Variants in TENM3 observed in about 807,000 individuals in gnomAD.
TENM3 encodes teneurin transmembrane protein 3.
Under a neutral mutation model 255.1 loss-of-function variants are expected in TENM3, and 63 were observed. That is an observed-to-expected ratio of 0.25 (90% CI 0.20 to 0.30). TENM3 has a LOEUF of 0.30. Ranked by LOEUF, TENM3 falls within the 10% of genes least tolerant of loss-of-function variation. TENM3 has a pLI of 1.00. For missense variants in TENM3, 2,929 were observed against 3,461.1 expected (o/e 0.85, Z 3.86); for synonymous variants, 1,306 against 1,322.3 (o/e 0.99, Z 0.27).
the TENM3 span, among the ~76,000 whole-genome samples, chr4:182,035,724 T>A: frequency 6.6e-6 from 1 of 152,194 alleles, no homozygotes; most frequent in Non-Finnish European, 1.5e-5. Context: ...TTTCCGTCCT[T>A]TTTCAATCAC....
intron 1 of TENM3, among the ~76,000 whole-genome samples, chr4:182,230,171 G>C (rs1366383527): frequency 6.7e-6 from 1 of 148,746 alleles, no homozygotes; most frequent in Non-Finnish European, 1.5e-5. Flanking sequence ...CTGAGGTGAA[G>C]AACACAGTGT....
chr4:181,972,697 G>T, the TENM3 span, among the ~76,000 whole-genome samples: 6 of 152,226 alleles, frequency 3.9e-5, no homozygotes, highest in East Asian at 1.2e-3. Context: ...TGATTGCAGG[G>T]AACTCCTCAG....
At chr4:181,598,580 C>T in the TENM3 span, among the ~76,000 whole-genome samples, 1 of 151,270 alleles carries the variant, frequency 6.6e-6, no homozygotes, top group East Asian at 1.9e-4. Flanking sequence ...CAAAGGTAAA[C>T]ATCTGAAACT....
the TENM3 span, among the ~76,000 whole-genome samples, chr4:181,657,093 T>C: frequency 6.6e-5 from 10 of 152,222 alleles, no homozygotes; most frequent in Non-Finnish European, 1.5e-4. Flanking sequence ...GAAATTACAC[T>C]GTTGGGCTTG....
At chr4:181,528,164 ATACT>A in the TENM3 span, among the ~76,000 whole-genome samples, 50,606 of 151,652 alleles carry the variant, frequency 0.33, 9,189 homozygotes, top group South Asian at 0.51. Context: ...TATAAAATAG[ATACT>A]TAATATACAT....
the TENM3 span, among the ~76,000 whole-genome samples, chr4:182,022,266 AGAG>A: frequency 1.3e-5 from 2 of 152,222 alleles, no homozygotes; most frequent in Non-Finnish European, 2.9e-5. Context: ...GGATGCAGCA[AGAG>A]GCCATTATTC....
At chr4:181,941,105 T>C in the TENM3 span, among the ~76,000 whole-genome samples, 1 of 152,194 alleles carries the variant, frequency 6.6e-6, no homozygotes, top group Admixed American at 6.5e-5. Flanking sequence ...GAATCAAAAA[T>C]TTAGATGTTA....
chr4:182,081,166 A>C, the TENM3 span, among the ~76,000 whole-genome samples: 1 of 152,340 alleles, frequency 6.6e-6, no homozygotes, highest in African/African-American at 2.4e-5. Flanking sequence ...ACATAGAGTA[A>C]GCTCCTGAAA....
At chr4:181,473,724 C>A in the TENM3 span, among the ~76,000 whole-genome samples, 1 of 143,822 alleles carries the variant, frequency 7.0e-6, no homozygotes, top group South Asian at 2.2e-4. Flanking sequence ...TATCTCTAGC[C>A]ATCTAGCCAT....
At chr4:181,632,987 T>C in the TENM3 span, among the ~76,000 whole-genome samples, 2 of 152,216 alleles carry the variant, frequency 1.3e-5, no homozygotes, top group African/African-American at 4.8e-5. Context: ...ATAGCAACTT[T>C]AGGTGAGGAT....
intron 1 of TENM3, among the ~76,000 whole-genome samples, chr4:182,199,521 G>T (rs942150778): frequency 1.3e-5 from 2 of 152,032 alleles, no homozygotes; most frequent in African/African-American, 4.8e-5. Flanking sequence ...GATTAAACTC[G>T]CCCAGATACA....
the TENM3 span, among the ~76,000 whole-genome samples, chr4:181,615,511 T>G: frequency 6.6e-6 from 1 of 152,122 alleles, no homozygotes; most frequent in Non-Finnish European, 1.5e-5. Context: ...CCATTTTTAT[T>G]AAGTATTTTC....
At chr4:182,599,841 G>C (rs1395954780) in intron 3 of TENM3, among the ~76,000 whole-genome samples, 1 of 152,114 alleles carries the variant, frequency 6.6e-6, no homozygotes. Context: ...ACTGCATTTA[G>C]TCCAAAATTG....
chr4:182,504,407 T>C lies in TENM3; in HGVS notation c.512-96517T>C, dbSNP rs181439305. Reference sequence around the variant, plus strand: ...TTAATGTGCTGGCTTTCATACAAATTACCAAATACAGATTTGATTGGGATG... The same window carrying C: ...TTAATGTGCTGGCTTTCATACAAATCACCAAATACAGATTTGATTGGGATG... On this transcript the variant is annotated intron_variant, in intron 3 of 27. Coordinates refer to ENST00000511685, the MANE Select transcript of TENM3 (RefSeq NM_001080477.4). Among the ~76,000 whole-genome samples the C allele has an allele frequency of 3.5e-3, 532 of 152,114 alleles. 1 individual carries two copies. The highest frequency in any genetic ancestry group is 0.01 in the Middle Eastern group (3 of 294).
the TENM3 span, among the ~76,000 whole-genome samples, chr4:181,459,748 C>T: frequency 6.6e-6 from 1 of 151,826 alleles, no homozygotes; most frequent in African/African-American, 2.4e-5. Context: ...AATTAGGTAC[C>T]ACAGATACTC....
chr4:181,981,066 T>C, the TENM3 span, among the ~76,000 whole-genome samples: 1 of 152,310 alleles, frequency 6.6e-6, no homozygotes, highest in East Asian at 1.9e-4. Flanking sequence ...ACATTAATTG[T>C]CACCTTTATT....
chr4:181,563,874 T>C, the TENM3 span, among the ~76,000 whole-genome samples: 2 of 152,130 alleles, frequency 1.3e-5, no homozygotes, highest in Admixed American at 1.3e-4. Context: ...ACCAACAGGG[T>C]CTATTTACTC....
At chr4:181,823,358 TCTC>T in the TENM3 span, among the ~76,000 whole-genome samples, 45 of 152,168 alleles carry the variant, frequency 3.0e-4, no homozygotes, top group African/African-American at 9.9e-4. Context: ...TTTTGGTCTC[TCTC>T]CTCCTCCTCT....
At chr4:182,176,477 T>C (rs1451692436) in intron 1 of TENM3, among the ~76,000 whole-genome samples, 2 of 152,196 alleles carry the variant, frequency 1.3e-5, no homozygotes, top group Admixed American at 6.6e-5. Context: ...GATGTGTTCA[T>C]TATTATTACT....
Sources: allele counts gnomAD v4.1 joint callset (sites outside exome capture counted in the v4.1 genomes callset), GRCh38; gene constraint gnomAD v4.1.1; transcripts MANE v1.5; gene names NCBI Gene and HGNC (gene_info 2026-07-23, HGNC 2026-07-21).